The following CALN1 variants were observed in gnomAD, a reference collection of about 807,000 sequenced individuals.
CALN1 encodes calcium-binding protein 8.
In CALN1, 17 loss-of-function variants were observed where a neutral mutation model predicts 30.6. The observed-to-expected ratio is 0.56, with a 90% CI of 0.38 to 0.83. The LOEUF (loss-of-function observed/expected upper bound fraction) is 0.83, where lower values mean the gene tolerates loss of function less well. Ranked by LOEUF, CALN1 falls within the 40% of genes least tolerant of loss-of-function variation. The pLI, the probability that CALN1 is intolerant of heterozygous loss-of-function variation, is 0.00. For synonymous variants in CALN1, 156 were observed against 131.4 expected (o/e 1.19, Z -1.28); for missense variants, 291 against 354.9 (o/e 0.82, Z 1.45).
At chr7:72,442,329 A>G (rs1272649322) in intron 1 of CALN1, among the ~76,000 whole-genome samples, 3 of 152,186 alleles carry the variant, frequency 2.0e-5, no homozygotes, top group African/African-American at 7.2e-5. Flanking sequence ...CCTCACTCAA[A>G]GCAAAAGCCA....
chr7:72,066,461 C>G (rs1804027729), intron 4 of CALN1, among the ~76,000 whole-genome samples: 1 of 152,048 alleles, frequency 6.6e-6, no homozygotes, highest in Non-Finnish European at 1.5e-5. Context: ...CAGATTCACT[C>G]TGTCTAAGGC....
At chr7:72,309,196 G>A (rs1030051127) in intron 2 of CALN1, among the ~76,000 whole-genome samples, 3 of 152,120 alleles carry the variant, frequency 2.0e-5, no homozygotes, top group Non-Finnish European at 4.4e-5. Context: ...ACGGGAGGGA[G>A]ACTATTCAGA....
chr7:72,188,531 T>G (rs954664303), intron 3 of CALN1, among the ~76,000 whole-genome samples: 3 of 149,448 alleles, frequency 2.0e-5, no homozygotes, highest in African/African-American at 7.4e-5. Context: ...AATGATACAA[T>G]GAACTCTGGG....
intron 3 of CALN1, among the ~76,000 whole-genome samples, chr7:72,233,115 T>C (rs1794225404): frequency 6.6e-6 from 1 of 152,022 alleles, no homozygotes; most frequent in South Asian, 2.1e-4. Flanking sequence ...TTCCTTTATT[T>C]TGGTCACAAG....
chr7:72,091,054 G>A (rs775315497), intron 4 of CALN1, among the ~76,000 whole-genome samples: 20 of 152,066 alleles, frequency 1.3e-4, no homozygotes, highest in Non-Finnish European at 1.8e-4. Context: ...CTGGCAGGGC[G>A]CGGTGGCTCA....
intron 2 of CALN1, among the ~76,000 whole-genome samples, chr7:72,317,753 T>C (rs1800586422): frequency 6.6e-6 from 1 of 152,122 alleles, no homozygotes. Flanking sequence ...CCAGTCTTTC[T>C]AAGAAAAAGA....
At chr7:72,183,266 C>T (rs569304255) in intron 3 of CALN1, among the ~76,000 whole-genome samples, 3 of 151,984 alleles carry the variant, frequency 2.0e-5, no homozygotes, top group Non-Finnish European at 2.9e-5. Flanking sequence ...GGTTTCACCA[C>T]GTTGGCCAGG....
At chr7:71,811,742 G>A (rs1021475892) in intron 5 of CALN1, among the ~76,000 whole-genome samples, 3 of 149,602 alleles carry the variant, frequency 2.0e-5, no homozygotes, top group South Asian at 4.3e-4. Context: ...GCAGTGGCGC[G>A]ATCTCGGCTG....
intron 1 of CALN1, among the ~76,000 whole-genome samples, chr7:72,419,278 T>A (rs981584062): frequency 6.6e-6 from 1 of 152,194 alleles, no homozygotes; most frequent in Non-Finnish European, 1.5e-5. Context: ...CAACCCATTT[T>A]AGACCATTTT....
intron 2 of CALN1, among the ~76,000 whole-genome samples, chr7:72,389,074 G>A (rs1008775112): frequency 1.2e-4 from 19 of 152,184 alleles, no homozygotes; most frequent in African/African-American, 4.6e-4. Flanking sequence ...TGAGACTCAG[G>A]AAAGCTACCT....
At chr7:71,806,480 T>TATTTTTAGTAGA (rs1185007654) in intron 6 of CALN1, among the ~76,000 whole-genome samples, 1 of 152,172 alleles carries the variant, frequency 6.6e-6, no homozygotes, top group Non-Finnish European at 1.5e-5. Context: ...CTAATTTTTG[T>TATTTTTAGTAGA]ATTTTTAGTA....
At chr7:72,320,260 C>A (rs1800780128) in intron 2 of CALN1, among the ~76,000 whole-genome samples, 1 of 152,166 alleles carries the variant, frequency 6.6e-6, no homozygotes, top group Admixed American at 6.5e-5. Context: ...GGCTAGGACC[C>A]CAGCCTACGA....
chr7:72,270,092 C>CGT lies in CALN1; in HGVS notation c.244+8592_244+8593dup, dbSNP rs538948120. 5.7e-3 allele frequency among the ~76,000 whole-genome samples: 860 copies of CGT among 149,734 alleles called. 3 individuals are homozygous for CGT. Among genetic ancestry groups the CGT allele is most frequent in the East Asian group, 9.8e-3 (50 of 5,094 alleles). On this transcript the variant is annotated intron_variant, in intron 3 of 6. Transcript: ENST00000395275. ...GATCTGAAAAAAATTTGGGTGTTTC[C>CGT]GTGTGTGTGTGTGTGTATGTATGTG...
intron 2 of CALN1, among the ~76,000 whole-genome samples, chr7:72,383,426 A>G (rs1562936494): frequency 6.6e-6 from 1 of 151,940 alleles, no homozygotes; most frequent in African/African-American, 2.4e-5. Context: ...TCAGCATGTT[A>G]TTTTTTGACT....
chr7:72,225,787 A>G (rs1585209147), intron 3 of CALN1, among the ~76,000 whole-genome samples: 1 of 152,264 alleles, frequency 6.6e-6, no homozygotes, highest in Non-Finnish European at 1.5e-5. Flanking sequence ...AACTGTGCAT[A>G]TCTTCTGCAA....
chr7:71,984,242 T>G (rs1798549519), intron 5 of CALN1, among the ~76,000 whole-genome samples: 1 of 151,960 alleles, frequency 6.6e-6, no homozygotes, highest in South Asian at 2.1e-4. Flanking sequence ...AAGTGTGAAA[T>G]GATTGGGAGC....
chr7:71,800,556 A>G (rs1293170865), intron 6 of CALN1, among the ~76,000 whole-genome samples: 1 of 152,108 alleles, frequency 6.6e-6, no homozygotes. Flanking sequence ...TAGGGACAAC[A>G]CTTGGGGGAT....
At chr7:71,840,263 T>C (rs955438626) in intron 5 of CALN1, among the ~76,000 whole-genome samples, 2 of 151,802 alleles carry the variant, frequency 1.3e-5, no homozygotes, top group African/African-American at 2.4e-5. Context: ...AGGAGTTCAA[T>C]GCTGCAATGA....
At chr7:72,249,332 C>T (rs1373334108) in intron 3 of CALN1, among the ~76,000 whole-genome samples, 1 of 152,182 alleles carries the variant, frequency 6.6e-6, no homozygotes, top group Non-Finnish European at 1.5e-5. Flanking sequence ...ATCATCGCAA[C>T]ACCACCAGGA....
Sources: allele counts gnomAD v4.1 joint callset (sites outside exome capture counted in the v4.1 genomes callset), GRCh38; gene constraint gnomAD v4.1.1; transcripts MANE v1.5; gene names NCBI Gene and HGNC (gene_info 2026-07-23, HGNC 2026-07-21).